AGBL4: variants seen among roughly 807,000 people sequenced by gnomAD.
The protein encoded by AGBL4 is AGBL carboxypeptidase 4.
In AGBL4, 58 loss-of-function variants were observed where a neutral mutation model predicts 66.4. That is an observed-to-expected ratio of 0.87 (90% CI 0.71 to 1.09). The LOEUF is 1.09. Among genes scored for constraint, AGBL4 ranks in the 50% least tolerant of loss-of-function variants. AGBL4 has a pLI of 0.00. For synonymous variants in AGBL4, 234 were observed against 222.9 expected, an observed-to-expected ratio of 1.05 and a Z score of -0.44; for missense variants, 579 against 631.0, an observed-to-expected ratio of 0.92 and a Z score of 0.88.
At chr1:49,326,122 G>A (rs563425853) in intron 3 of AGBL4, among the ~76,000 whole-genome samples, 2 of 152,202 alleles carry the variant, frequency 1.3e-5, no homozygotes, top group African/African-American at 4.8e-5. Flanking sequence ...AACTCACCTT[G>A]GATCATTTGT....
chr1:49,325,031 CT>C (rs933550194), intron 3 of AGBL4, among the ~76,000 whole-genome samples: 3 of 151,424 alleles, frequency 2.0e-5, no homozygotes, highest in Admixed American at 6.6e-5. Flanking sequence ...TCACTTTCTT[CT>C]TTTTTTTTGA....
intron 1 of AGBL4, among the ~76,000 whole-genome samples, chr1:49,852,010 T>C (rs561127616): frequency 2.0e-5 from 3 of 152,280 alleles, no homozygotes; most frequent in South Asian, 2.1e-4. Flanking sequence ...CAGAAACAAT[T>C]TGAGAAACAC....
At chr1:48,560,644 T>C (rs1644383420) in intron 11 of AGBL4, among the ~76,000 whole-genome samples, 1 of 152,238 alleles carries the variant, frequency 6.6e-6, no homozygotes, top group African/African-American at 2.4e-5. Flanking sequence ...AGCTCTGGCC[T>C]ACAGTCAGTC....
intron 4 of AGBL4, among the ~76,000 whole-genome samples, chr1:49,103,385 C>A (rs1013944388): frequency 6.6e-6 from 1 of 152,010 alleles, no homozygotes; most frequent in Non-Finnish European, 1.5e-5. Context: ...ATGAACAGGG[C>A]GCCTATAAGT....
intron 3 of AGBL4, among the ~76,000 whole-genome samples, chr1:49,628,230 C>T (rs1032003238): frequency 6.6e-6 from 1 of 152,146 alleles, no homozygotes; most frequent in Non-Finnish European, 1.5e-5. Flanking sequence ...GTAAACTCCA[C>T]ATTATATCTT....
chr1:49,440,161 C>T (rs1170982072), intron 3 of AGBL4, among the ~76,000 whole-genome samples: 1 of 151,322 alleles, frequency 6.6e-6, no homozygotes, highest in Non-Finnish European at 1.5e-5. Flanking sequence ...GCTGTGCTTC[C>T]TGGGTTCACA....
chr1:48,861,552 C>G (rs567646540), intron 6 of AGBL4, among the ~76,000 whole-genome samples: 1 of 152,290 alleles, frequency 6.6e-6, no homozygotes, highest in African/African-American at 2.4e-5. Context: ...TGATGGCAGA[C>G]TTCTCATCAG....
chr1:49,714,343 C>T (rs992457981), intron 2 of AGBL4, among the ~76,000 whole-genome samples: 13 of 151,966 alleles, frequency 8.6e-5, no homozygotes, highest in African/African-American at 2.9e-4. Flanking sequence ...TATTTTCTCT[C>T]GTCCCCCTCC....
At chr1:49,241,152 T>A (rs887175551) in intron 4 of AGBL4, among the ~76,000 whole-genome samples, 3 of 152,054 alleles carry the variant, frequency 2.0e-5, no homozygotes, top group East Asian at 1.9e-4. Context: ...ATAATTTTCA[T>A]CCTCTCCAAA....
At chr1:48,763,974 G>C (rs553974116) in intron 6 of AGBL4, among the ~76,000 whole-genome samples, 1 of 152,262 alleles carries the variant, frequency 6.6e-6, no homozygotes, top group East Asian at 1.9e-4. Context: ...ACATAATCCA[G>C]TTCCAGAGCT....
At chr1:49,657,774 A>G (rs1480783997) in intron 3 of AGBL4, among the ~76,000 whole-genome samples, 1 of 152,216 alleles carries the variant, frequency 6.6e-6, no homozygotes, top group Non-Finnish European at 1.5e-5. Flanking sequence ...TCCCTATTTA[A>G]TAAATGGTGC....
chr1:49,158,831 G>T (rs1646485219), intron 4 of AGBL4, among the ~76,000 whole-genome samples: 1 of 151,138 alleles, frequency 6.6e-6, no homozygotes, highest in Non-Finnish European at 1.5e-5. Context: ...GCCCTTCTTT[G>T]TCTCTTTTGG....
At chr1:50,018,613 T>C (rs747749339) in intron 1 of AGBL4, among the ~76,000 whole-genome samples, 44 of 152,208 alleles carry the variant, frequency 2.9e-4, no homozygotes, top group Non-Finnish European at 4.1e-4. Context: ...ATGCAAAATA[T>C]TCACATCCTC....
At chr1:48,623,228 T>C (rs1202398478) in intron 9 of AGBL4, among the ~76,000 whole-genome samples, 1 of 152,200 alleles carries the variant, frequency 6.6e-6, no homozygotes. Flanking sequence ...AAGATTACTG[T>C]TTAGGGAAGA....
chr1:48,686,605 T>A (rs1646536046), intron 6 of AGBL4, among the ~76,000 whole-genome samples: 1 of 152,204 alleles, frequency 6.6e-6, no homozygotes, highest in African/African-American at 2.4e-5. Flanking sequence ...GACTAAGGAA[T>A]ACAAGAAGGA....
intron 5 of AGBL4, among the ~76,000 whole-genome samples, chr1:48,879,936 C>T (rs993266886): frequency 1.3e-5 from 2 of 152,078 alleles, no homozygotes; most frequent in African/African-American, 4.8e-5. Context: ...CATATAAAAT[C>T]TCAACATCTC....
At chr1:49,793,360 C>T (rs1421856050) in intron 2 of AGBL4, among the ~76,000 whole-genome samples, 1 of 152,054 alleles carries the variant, frequency 6.6e-6, no homozygotes, top group East Asian at 1.9e-4. Flanking sequence ...TCTAGCTTCT[C>T]TGACCATGTT....
chr1:48,583,181 C>G (rs916862633), intron 11 of AGBL4, among the ~76,000 whole-genome samples: 1 of 152,212 alleles, frequency 6.6e-6, no homozygotes, highest in African/African-American at 2.4e-5. Flanking sequence ...CCCACCAATG[C>G]TCTTTGCCCT....
At chr1:48,854,138 G>A (rs924304714) in intron 6 of AGBL4, among the ~76,000 whole-genome samples, 6 of 152,112 alleles carry the variant, frequency 3.9e-5, no homozygotes, top group Non-Finnish European at 8.8e-5. Flanking sequence ...GAAAAACTAA[G>A]CCCCAAGGCA....
Sources: gnomAD v4.1 joint callset for allele counts (sites outside exome capture counted in the v4.1 genomes callset) on GRCh38, gnomAD v4.1.1 for gene constraint, MANE v1.5 for transcripts, NCBI Gene and HGNC (gene_info 2026-07-23, HGNC 2026-07-21) for gene names.